C8orf34: variants seen among roughly 807,000 people sequenced by gnomAD.
C8orf34 encodes the protein chromosome 8 open reading frame 34.
In C8orf34, 65 loss-of-function variants were observed where a neutral mutation model predicts 68.3. The observed-to-expected ratio is 0.95, with a 90% CI of 0.78 to 1.17. The LOEUF (loss-of-function observed/expected upper bound fraction) is 1.17, where lower values mean the gene tolerates loss of function less well. C8orf34 is among the 50% of genes most tolerant of loss of function. C8orf34 has a pLI of 0.00. For synonymous variants in C8orf34, 244 were observed against 241.2 expected (o/e 1.01, Z -0.11); for missense variants, 664 against 655.4 (o/e 1.01, Z -0.14).
Position 68,616,678 on chromosome 8 carries a change from T to C in C8orf34, c.1106-23698T>C, listed in dbSNP as rs527877639. Among the ~76,000 whole-genome samples the C allele has an allele frequency of 2.2e-4, 33 of 152,292 alleles. No homozygotes were observed. In the South Asian group the frequency reaches 3.5e-3, roughly 16 times the overall value. On this transcript the variant is annotated intron_variant, in intron 7 of 13. Transcript: ENST00000518698. ...GACAGTTTGTTATAATTTCTGTTCT[T>C]TTACATTTGCTGAGGAGAGCTTTAC... is the stretch of plus-strand genomic sequence containing the variant.
At chr8:68,381,426 A>T (rs1467229211) in intron 1 of C8orf34, among the ~76,000 whole-genome samples, 9 of 152,184 alleles carry the variant, frequency 5.9e-5, no homozygotes. Context: ...TTTACAACAC[A>T]CATCATTTAA....
chr8:68,481,128 C>CAT (rs1812841005), intron 4 of C8orf34, among the ~76,000 whole-genome samples: 4 of 150,466 alleles, frequency 2.7e-5, no homozygotes, highest in East Asian at 2.0e-4. Flanking sequence ...GCACGGGGTG[C>CAT]CCTGTGTCCC....
intron 1 of C8orf34, among the ~76,000 whole-genome samples, chr8:68,410,874 C>A (rs1809414983): frequency 6.6e-6 from 1 of 152,202 alleles, no homozygotes; most frequent in Non-Finnish European, 1.5e-5. Flanking sequence ...AGTCCAGCTT[C>A]TCAGAATGCA....
chr8:68,632,658 T>C (rs1040338540), intron 7 of C8orf34, among the ~76,000 whole-genome samples: 2 of 152,060 alleles, frequency 1.3e-5, no homozygotes, highest in Non-Finnish European at 2.9e-5. Context: ...AAAAATGGTT[T>C]TATGGGTCAG....
intron 5 of C8orf34, among the ~76,000 whole-genome samples, chr8:68,493,213 C>T (rs2129631996): frequency 6.6e-6 from 1 of 152,314 alleles, no homozygotes; most frequent in Admixed American, 6.5e-5. Flanking sequence ...AAGGACACAA[C>T]ACTCACAAAT....
chr8:68,760,501 T>C (rs1822994868), intron 10 of C8orf34, among the ~76,000 whole-genome samples: 1 of 152,200 alleles, frequency 6.6e-6, no homozygotes, highest in Admixed American at 6.5e-5. Flanking sequence ...TGTGTTTATA[T>C]TCTGGAAGCT....
chr8:68,417,367 T>G (rs566170290), intron 1 of C8orf34, among the ~76,000 whole-genome samples: 3 of 152,170 alleles, frequency 2.0e-5, no homozygotes, highest in East Asian at 1.9e-4. Flanking sequence ...AATAGCAAAT[T>G]AGTGCCTACT....
chr8:68,465,812 C>T (rs1341808661), intron 3 of C8orf34, among the ~76,000 whole-genome samples: 2 of 134,980 alleles, frequency 1.5e-5, no homozygotes, highest in South Asian at 2.3e-4. Flanking sequence ...GGGGTGGGGG[C>T]AGGGGGGAGG....
chr8:68,740,054 C>T (rs553997288), intron 10 of C8orf34, among the ~76,000 whole-genome samples: 16 of 152,158 alleles, frequency 1.1e-4, no homozygotes, highest in South Asian at 2.1e-4. Flanking sequence ...TAGCCATATG[C>T]GGAAGATTGA....
Position 68,733,045 on chromosome 8 carries a change from C to T in C8orf34, c.1404+11608C>T, listed in dbSNP as rs1273887234. Among the ~76,000 whole-genome samples, 4 of 152,250 alleles carry T rather than the reference C, an allele frequency of 2.6e-5. No individual in the cohort carries two copies. In the South Asian group the frequency reaches 6.2e-4, roughly 24 times the overall value. On this transcript the variant is annotated intron_variant, in intron 10 of 13. Transcript: ENST00000518698. ...CCCCACTGTGCTCCAGCCTGGGCAA[C>T]AGAGTGAGACTCTGTCTCAACAAAA... is the stretch of plus-strand genomic sequence containing the variant.
intron 1 of C8orf34, among the ~76,000 whole-genome samples, chr8:68,427,275 G>A (rs1388449974): frequency 3.3e-5 from 5 of 152,046 alleles, no homozygotes; most frequent in Non-Finnish European, 7.4e-5. Context: ...ACTAAAAACA[G>A]AGAAACTAAC....
chr8:68,810,110 C>T lies in C8orf34; in HGVS notation c.1550-5776C>T, dbSNP rs58770163. ...GCATCTTTGCCTAGTTTTGCTTGAG[C>T]CTGCTGGTCTCATCCTGCCTGCTTG... On this transcript the variant is annotated intron_variant, in intron 12 of 13. Coordinates refer to ENST00000518698, the MANE Select transcript of C8orf34 (RefSeq NM_052958.4). 9.7e-3 allele frequency among the ~76,000 whole-genome samples: 1,473 copies of T among 152,302 alleles called. 17 individuals are homozygous for T. Among genetic ancestry groups the T allele is most frequent in the African/African-American group, 0.034 (1,401 of 41,554 alleles).
chr8:68,343,766 G>T (rs1806168780), intron 1 of C8orf34, among the ~76,000 whole-genome samples: 1 of 151,990 alleles, frequency 6.6e-6, no homozygotes, highest in Admixed American at 6.6e-5. Flanking sequence ...GCTAATTTTT[G>T]TATTTTTGGT....
At chr8:68,674,900 G>T (rs998521025) in intron 8 of C8orf34, among the ~76,000 whole-genome samples, 2 of 151,474 alleles carry the variant, frequency 1.3e-5, no homozygotes, top group Non-Finnish European at 2.9e-5. Flanking sequence ...GATCCCAAAA[G>T]CAGCAAGAGA....
chr8:68,769,944 G>A (rs1283791842), intron 10 of C8orf34, among the ~76,000 whole-genome samples: 2 of 152,152 alleles, frequency 1.3e-5, no homozygotes, highest in Admixed American at 1.3e-4. Context: ...ATTTGAGTGA[G>A]GGGAGCCGGG....
intron 8 of C8orf34, among the ~76,000 whole-genome samples, chr8:68,664,264 CTTAAAG>C (rs1289629166): frequency 6.6e-6 from 1 of 152,134 alleles, no homozygotes; most frequent in African/African-American, 2.4e-5. Context: ...TCATCCTTGC[CTTAAAG>C]TTAAACTATA....
At chr8:68,490,771 C>T (rs978210539) in intron 5 of C8orf34, among the ~76,000 whole-genome samples, 2 of 152,136 alleles carry the variant, frequency 1.3e-5, no homozygotes, top group African/African-American at 2.4e-5. Context: ...AAAGGAGTCA[C>T]AGGCTTCCAG....
intron 8 of C8orf34, among the ~76,000 whole-genome samples, chr8:68,643,415 A>G (rs1423694388): frequency 6.6e-6 from 1 of 152,210 alleles, no homozygotes; most frequent in Non-Finnish European, 1.5e-5. Flanking sequence ...TAATGCTTTG[A>G]AATACCACTT....
rs148343618 is a variant in C8orf34 at position 68,395,741 on chromosome 8, A to C, written c.328-43758A>C. Among the ~76,000 whole-genome samples the C allele has an allele frequency of 6.5e-3, 991 of 152,184 alleles. 10 individuals carry two copies. Among genetic ancestry groups the C allele is most frequent in the African/African-American group, 0.021 (879 of 41,530 alleles). ...GAACTATATTATAAGAACAACTAGA[A>C]GGCAGTCAAGGTTGATGGGAGATGG... On this transcript the variant is annotated intron_variant, in intron 1 of 13. Transcript: ENST00000518698.
Sources: allele counts gnomAD v4.1 joint callset (sites outside exome capture counted in the v4.1 genomes callset), GRCh38; gene constraint gnomAD v4.1.1; transcripts MANE v1.5; gene names NCBI Gene and HGNC (gene_info 2026-07-23, HGNC 2026-07-21).